Variants in CNTN1 observed in about 807,000 individuals in gnomAD.
CNTN1 encodes contactin-1.
A neutral mutation model predicts 126.4 loss-of-function variants in CNTN1; 38 were observed. The observed-to-expected ratio is 0.30, with a 90% confidence interval of 0.23 to 0.39. The LOEUF (loss-of-function observed/expected upper bound fraction) is 0.39, where lower values mean the gene tolerates loss of function less well. Among genes scored for constraint, CNTN1 ranks in the 10% least tolerant of loss-of-function variants. The pLI, the probability that CNTN1 is intolerant of heterozygous loss-of-function variation, is 1.00. For missense variants in CNTN1, 1,009 were observed against 1,248.4 expected (o/e 0.81, Z 2.89); for synonymous variants, 413 against 422.6 (o/e 0.98, Z 0.28).
chr12:40,979,114 G>C (rs189442947), intron 15 of CNTN1: 2 of 152,146 alleles, frequency 1.3e-5, no homozygotes, highest in South Asian at 4.1e-4. Flanking sequence ...AATGTGTTCT[G>C]TTATGTGTCT....
chr12:40,756,151 T>G (rs1341228766), intron 1 of CNTN1, among the ~76,000 whole-genome samples: 2 of 152,064 alleles, frequency 1.3e-5, no homozygotes, highest in Non-Finnish European at 2.9e-5. Flanking sequence ...AAGTGATTTT[T>G]GTAATGTGTC....
At chr12:40,889,682 G>T (rs1330919224) in intron 1 of CNTN1, among the ~76,000 whole-genome samples, 1 of 152,046 alleles carries the variant, frequency 6.6e-6, no homozygotes, top group African/African-American at 2.4e-5. Context: ...GTATTATTAT[G>T]AGTATTAAAA....
At chr12:40,735,605 T>C (rs1937636329) in intron 1 of CNTN1, among the ~76,000 whole-genome samples, 1 of 152,112 alleles carries the variant, frequency 6.6e-6, no homozygotes, top group Non-Finnish European at 1.5e-5. Flanking sequence ...TCTGAAATCA[T>C]GTAAACAAGA....
At chr12:41,019,131 G>T (rs1011291913) in intron 19 of CNTN1, among the ~76,000 whole-genome samples, 3 of 152,104 alleles carry the variant, frequency 2.0e-5, no homozygotes, top group African/African-American at 7.2e-5. Context: ...ACTCCAGCCT[G>T]GGCAACAAGA....
intron 1 of CNTN1, among the ~76,000 whole-genome samples, chr12:40,810,480 T>C (rs1941020308): frequency 6.6e-6 from 1 of 152,194 alleles, no homozygotes; most frequent in Non-Finnish European, 1.5e-5. Flanking sequence ...GTGAGGTCTC[T>C]AGAACTTATT....
At chr12:40,800,969 A>G (rs1237870677) in intron 1 of CNTN1, among the ~76,000 whole-genome samples, 1 of 151,666 alleles carries the variant, frequency 6.6e-6, no homozygotes, top group Non-Finnish European at 1.5e-5. Flanking sequence ...GTTTGGACAC[A>G]AAGTCAGAGC....
intron 1 of CNTN1, among the ~76,000 whole-genome samples, chr12:40,774,287 CAGA>C (rs2136438239): frequency 6.6e-6 from 1 of 151,676 alleles, no homozygotes; most frequent in Admixed American, 6.6e-5. Flanking sequence ...AAGAGCTCCT[CAGA>C]AGGTTGCCAA....
chr12:40,823,082 A>T (rs998969448), intron 1 of CNTN1, among the ~76,000 whole-genome samples: 4 of 152,212 alleles, frequency 2.6e-5, no homozygotes, highest in Non-Finnish European at 1.5e-5. Context: ...ATACACACAA[A>T]CATATCCACA....
chr12:40,774,574 A>G (rs1390477780), intron 1 of CNTN1, among the ~76,000 whole-genome samples: 1 of 151,740 alleles, frequency 6.6e-6, no homozygotes, highest in Non-Finnish European at 1.5e-5. Context: ...TGAATATTTT[A>G]ACAAATAAAT....
chr12:40,749,164 G>A (rs1278389881), intron 1 of CNTN1, among the ~76,000 whole-genome samples: 1 of 152,030 alleles, frequency 6.6e-6, no homozygotes, highest in Non-Finnish European at 1.5e-5. Flanking sequence ...AAGAATCATT[G>A]AGAGACTGAG....
At chr12:40,737,448 G>T (rs764906009) in intron 1 of CNTN1, among the ~76,000 whole-genome samples, 1 of 150,402 alleles carries the variant, frequency 6.6e-6, no homozygotes, top group Admixed American at 6.7e-5. Context: ...AAGCTGAGGA[G>T]CAAGGAGAGC....
chr12:40,878,753 T>G (rs1289898981), intron 1 of CNTN1, among the ~76,000 whole-genome samples: 1 of 151,364 alleles, frequency 6.6e-6, no homozygotes, highest in African/African-American at 2.4e-5. Flanking sequence ...TAGAGTATTT[T>G]ACATTTTTTG....
At chr12:40,809,851 A>AC in intron 1 of CNTN1, among the ~76,000 whole-genome samples, 1 of 100,074 alleles carries the variant, frequency 1.0e-5, no homozygotes, top group South Asian at 3.5e-4. Context: ...CACACACACA[A>AC]AAGTCAAAAC....
intron 17 of CNTN1, among the ~76,000 whole-genome samples, chr12:40,994,640 T>A (rs1471407734): frequency 6.6e-6 from 1 of 152,036 alleles, no homozygotes; most frequent in Non-Finnish European, 1.5e-5. Context: ...AACACAAGAA[T>A]CCTGGCTATG....
rs1565626002 is a variant in CNTN1, at chr12:40,707,064, A to AGTG, written c.-77+14472_-77+14473insGTG. On this transcript the variant is annotated intron_variant, in intron 1 of 23. Coordinates refer to ENST00000551295, the MANE Select transcript of CNTN1 (RefSeq NM_001843.4). ...CGCTTGCGCACACACACACACACACACACACACACACACACACACACACAC... is the reference window on the plus strand; with the variant it reads ...CGCTTGCGCACACACACACACACACAGTGCACACACACACACACACACACACAC... 1.1e-3 allele frequency among the ~76,000 whole-genome samples: 161 copies of AGTG among 147,178 alleles called. 1 individual carries two copies. Among genetic ancestry groups the AGTG allele is most frequent in the Admixed American group, 2.4e-3 (35 of 14,892 alleles).
chr12:41,035,624 T>C (rs1949242117), intron 23 of CNTN1, among the ~76,000 whole-genome samples: 1 of 151,956 alleles, frequency 6.6e-6, no homozygotes, highest in Non-Finnish European at 1.5e-5. Flanking sequence ...TTCTTTATAT[T>C]TAAAGAGAAA....
chr12:40,886,398 T>C, intron 1 of CNTN1, among the ~76,000 whole-genome samples: 1 of 152,138 alleles, frequency 6.6e-6, no homozygotes, highest in East Asian at 1.9e-4. Flanking sequence ...TATATAACCT[T>C]CATTAGATTA....
intron 23 of CNTN1, among the ~76,000 whole-genome samples, chr12:41,049,192 A>G (rs1949617372): frequency 6.6e-6 from 1 of 152,194 alleles, no homozygotes; most frequent in African/African-American, 2.4e-5. Context: ...AAAGTCTCCC[A>G]GGACTCAGTA....
chr12:40,778,965 C>A (rs895289669), intron 1 of CNTN1, among the ~76,000 whole-genome samples: 1 of 151,610 alleles, frequency 6.6e-6, no homozygotes, highest in African/African-American at 2.4e-5. Flanking sequence ...GTAGTTGAAA[C>A]CTTTCCTTTT....
Sources: gnomAD v4.1 joint callset for allele counts (sites outside exome capture counted in the v4.1 genomes callset) on GRCh38, gnomAD v4.1.1 for gene constraint, MANE v1.5 for transcripts, NCBI Gene and HGNC (gene_info 2026-07-23, HGNC 2026-07-21) for gene names.